Variants in CYB5R4 observed in about 807,000 individuals in gnomAD.
CYB5R4 encodes the protein N-terminal cytochrome b5 and cytochrome b5 oxidoreductase domain-containing protein.
CYB5R4 carries 55 observed loss-of-function variants against 70.2 expected under a neutral mutation model. That is an observed-to-expected ratio of 0.78 (90% confidence interval 0.63 to 0.98). The LOEUF (loss-of-function observed/expected upper bound fraction) is 0.98, where lower values mean the gene tolerates loss of function less well. CYB5R4 is among the 50% of genes least tolerant of loss of function. The probability of loss-of-function intolerance (pLI) is 0.00; values close to 1 mark genes in which losing one functional copy is unlikely to be tolerated. For synonymous variants in CYB5R4, 197 were observed against 199.5 expected, an observed-to-expected ratio of 0.99 and a Z score of 0.11; for missense variants, 562 against 612.6, an observed-to-expected ratio of 0.92 and a Z score of 0.87.
chr6:83,922,395 G>A, intron 8 of CYB5R4, 43 bp from the exon 9 acceptor site: 1 of 1,550,792 alleles, frequency 6.4e-7, no homozygotes, highest in African/African-American at 1.4e-5. Flanking sequence ...AAAACTGTAT[G>A]AATTGAAGTT....
At chr6:83,900,894 A>T (rs1267411066) in intron 3 of CYB5R4, among the ~76,000 whole-genome samples, 1 of 152,198 alleles carries the variant, frequency 6.6e-6, no homozygotes, top group East Asian at 1.9e-4. Context: ...TGAATACAGC[A>T]TACTGATGGG....
At chr6:83,930,690 T>C (rs981535883) in intron 10 of CYB5R4, among the ~76,000 whole-genome samples, 2 of 152,148 alleles carry the variant, frequency 1.3e-5, no homozygotes, top group African/African-American at 4.8e-5. Context: ...ATGTTGCTAT[T>C]TTGACTGCCT....
intron 2 of CYB5R4, among the ~76,000 whole-genome samples, chr6:83,878,621 C>T (rs1175810795): frequency 1.3e-5 from 2 of 152,208 alleles, no homozygotes; most frequent in African/African-American, 4.8e-5. Context: ...GCTAGGATTA[C>T]AGGCGTGAGC....
At chr6:83,952,929 T>C (rs903658862) in intron 14 of CYB5R4, among the ~76,000 whole-genome samples, 1 of 152,184 alleles carries the variant, frequency 6.6e-6, no homozygotes, top group Non-Finnish European at 1.5e-5. Context: ...AAGCTGATGA[T>C]GCCAGAAGCA....
At chr6:83,949,635 C>A (rs1419963676) in intron 14 of CYB5R4, among the ~76,000 whole-genome samples, 1 of 152,086 alleles carries the variant, frequency 6.6e-6, no homozygotes, top group East Asian at 1.9e-4. Context: ...CTTTGTGGAA[C>A]AAGGAGAGGG....
At chr6:83,933,144 C>T (rs1251186015) in intron 10 of CYB5R4, among the ~76,000 whole-genome samples, 2 of 152,122 alleles carry the variant, frequency 1.3e-5, no homozygotes, top group Non-Finnish European at 2.9e-5. Flanking sequence ...GGCCTATGTC[C>T]TTTGACCCTT....
chr6:83,920,648 A>C (rs3778187), intron 7 of CYB5R4, among the ~76,000 whole-genome samples: 22,809 of 149,226 alleles, frequency 0.15, 3,294 homozygotes, highest in African/African-American at 0.37. Context: ...TAAGGTCAAG[A>C]GGTTATGTAA....
At chr6:83,917,040 G>A (rs541825851) in intron 5 of CYB5R4, among the ~76,000 whole-genome samples, 1 of 152,192 alleles carries the variant, frequency 6.6e-6, no homozygotes, top group East Asian at 1.9e-4. Context: ...CACTTCTATT[G>A]TAGGGGGGAA....
chr6:83,873,882 T>C (rs2129129703), intron 2 of CYB5R4, among the ~76,000 whole-genome samples: 1 of 151,890 alleles, frequency 6.6e-6, no homozygotes, highest in East Asian at 1.9e-4. Flanking sequence ...TACATGGGAG[T>C]TAACTAAGCA....
chr6:83,899,612 G>T (rs1421150380), intron 3 of CYB5R4, among the ~76,000 whole-genome samples: 1 of 152,112 alleles, frequency 6.6e-6, no homozygotes, highest in Non-Finnish European at 1.5e-5. Flanking sequence ...TTTTTGGTTG[G>T]TAAGCTATTA....
At chr6:83,952,183 C>T (rs1271789944) in intron 14 of CYB5R4, among the ~76,000 whole-genome samples, 2 of 151,954 alleles carry the variant, frequency 1.3e-5, no homozygotes, top group Non-Finnish European at 2.9e-5. Context: ...GACTATTTAC[C>T]CACTTATATG....
chr6:83,900,796 C>CT (rs556212779), intron 3 of CYB5R4, among the ~76,000 whole-genome samples: 2 of 151,936 alleles, frequency 1.3e-5, no homozygotes, highest in South Asian at 2.1e-4. Context: ...CAACCCCTGC[C>CT]TTTTTTTGTT....
intron 2 of CYB5R4, among the ~76,000 whole-genome samples, chr6:83,864,705 C>T (rs956447595): frequency 1.3e-5 from 2 of 152,164 alleles, no homozygotes; most frequent in Non-Finnish European, 2.9e-5. Context: ...AAAAAAATCT[C>T]TGAGAATCTA....
chr6:83,936,445 T>G, intron 12 of CYB5R4, 69 bp downstream of exon 12: 1 of 1,350,532 alleles, frequency 7.4e-7, no homozygotes, highest in Non-Finnish European at 1.0e-6. Flanking sequence ...TCTAGTTATC[T>G]CCATGTAGGA....
chr6:83,871,876 T>C (rs947881150), intron 2 of CYB5R4, among the ~76,000 whole-genome samples: 1 of 152,158 alleles, frequency 6.6e-6, no homozygotes, highest in Admixed American at 6.5e-5. Context: ...TTCTCTCTTT[T>C]TTTTCTTGAT....
At chr6:83,924,269 A>C (rs988802467) in intron 9 of CYB5R4, among the ~76,000 whole-genome samples, 9 of 151,850 alleles carry the variant, frequency 5.9e-5, no homozygotes, top group Non-Finnish European at 1.2e-4. Flanking sequence ...CTTAATCTGA[A>C]TCTATTAATA....
intron 14 of CYB5R4, among the ~76,000 whole-genome samples, chr6:83,949,245 G>T (rs1036584349): frequency 6.6e-6 from 1 of 151,818 alleles, no homozygotes; most frequent in Non-Finnish European, 1.5e-5. Flanking sequence ...TAAAACATAG[G>T]AGAACCCTGG....
intron 3 of CYB5R4, 42 bp from the exon 4 acceptor site, chr6:83,908,967 A>C (rs1007402293): frequency 6.6e-7 from 1 of 1,522,582 alleles, no homozygotes; most frequent in Non-Finnish European, 9.1e-7. Context: ...CATCCTGTGG[A>C]GTTAGTCATG....
chr6:83,882,532 A>G (rs530667794), intron 2 of CYB5R4, among the ~76,000 whole-genome samples: 6 of 152,330 alleles, frequency 3.9e-5, no homozygotes, highest in African/African-American at 1.4e-4. Flanking sequence ...CAAAGTTTCT[A>G]CAACATATTT....
Sources: gnomAD v4.1 joint callset for allele counts (sites outside exome capture counted in the v4.1 genomes callset) on GRCh38, gnomAD v4.1.1 for gene constraint, MANE v1.5 for transcripts, NCBI Gene and HGNC (gene_info 2026-07-23, HGNC 2026-07-21) for gene names.